Variants in NCEH1 observed in about 807,000 individuals in gnomAD.
NCEH1 encodes the protein neutral cholesterol ester hydrolase 1, also known as 2-acetyl MAGE hydrolase.
A neutral mutation model predicts 25.4 loss-of-function variants in NCEH1; 9 were observed. That is an observed-to-expected ratio of 0.35 (90% CI 0.21 to 0.62). The LOEUF (loss-of-function observed/expected upper bound fraction) is 0.62, where lower values mean the gene tolerates loss of function less well. NCEH1 is among the 20% of genes least tolerant of loss of function. The pLI is 0.72. For synonymous variants in NCEH1, 200 were observed against 199.8 expected, an observed-to-expected ratio of 1.00 and a Z score of -0.01; for missense variants, 412 against 501.1, an observed-to-expected ratio of 0.82 and a Z score of 1.70.
At chr3:172,663,660 A>G (rs1320326247) in intron 1 of NCEH1, among the ~76,000 whole-genome samples, 1 of 152,142 alleles carries the variant, frequency 6.6e-6, no homozygotes, top group Non-Finnish European at 1.5e-5. Context: ...TTGGGTGCAT[A>G]TATATTTAGG....
chr3:172,668,348 A>ATTTTTTTTTT (rs1200625132), intron 1 of NCEH1, among the ~76,000 whole-genome samples: 10 of 78,976 alleles, frequency 1.3e-4, no homozygotes, highest in African/African-American at 4.1e-4. Flanking sequence ...AAAAGGAAGC[A>ATTTTTTTTTT]TTTTTTTTTT....
intron 1 of NCEH1, among the ~76,000 whole-genome samples, chr3:172,693,174 C>A (rs1331298835): frequency 6.6e-6 from 1 of 152,216 alleles, no homozygotes; most frequent in Admixed American, 6.5e-5. Context: ...CAGTGTCTGA[C>A]ACATTCTGGG....
At chr3:172,704,972 T>G (rs1713895219) in intron 1 of NCEH1, among the ~76,000 whole-genome samples, 1 of 152,240 alleles carries the variant, frequency 6.6e-6, no homozygotes, top group Non-Finnish European at 1.5e-5. Flanking sequence ...CAATCCATGT[T>G]AAGTCTAGGT....
At position 172,694,394 on chromosome 3, in the gene NCEH1, C is replaced by CTG. The variant is rs768064072; in HGVS notation, c.138+16451_138+16452dup. On this transcript the variant is annotated intron_variant, in intron 1 of 4. Transcript: ENST00000475381. ...GTTATATATATGTGTGTGTGTGTGT[C>CTG]TGTGTGTGTGTGTGTGTGTGTATGT... Among the ~76,000 whole-genome samples the CTG allele has an allele frequency of 2.6e-3, 343 of 130,866 alleles. 3 individuals are homozygous for CTG. The highest frequency in any genetic ancestry group is 8.5e-3 in the East Asian group (39 of 4,602). The allele number at this position is 130,866 out of a possible 152,430, so 85.9% of individuals were successfully genotyped here.
intron 1 of NCEH1, among the ~76,000 whole-genome samples, chr3:172,704,761 T>C (rs181278216): frequency 2.0e-5 from 3 of 152,250 alleles, no homozygotes; most frequent in Non-Finnish European, 4.4e-5. Context: ...TCCCAGCACT[T>C]TGGGAAGCCA....
chr3:172,644,386 G>T (rs567164503), intron 3 of NCEH1, among the ~76,000 whole-genome samples: 1 of 152,322 alleles, frequency 6.6e-6, no homozygotes, highest in Middle Eastern at 3.4e-3. Context: ...GGCGCACCAT[G>T]AACAGGAGGA....
chr3:172,684,282 G>T (rs556376445), intron 1 of NCEH1, among the ~76,000 whole-genome samples: 2 of 152,178 alleles, frequency 1.3e-5, no homozygotes, highest in Non-Finnish European at 2.9e-5. Flanking sequence ...GCTTGAGAAA[G>T]AAATACACTG....
rs1376447355 is a variant in NCEH1 at position 172,711,028 on chromosome 3, G to A, written c.-44C>T. The A allele has an allele frequency of 8.7e-6, 14 of 1,613,234 alleles. No homozygotes were observed. The highest frequency in any genetic ancestry group is 1.1e-5 in the Non-Finnish European group (13 of 1,179,672). On this transcript the variant is annotated 5_prime_UTR_variant, in exon 1 of 5. Coordinates refer to ENST00000475381, the MANE Select transcript of NCEH1 (RefSeq NM_020792.6). ...GCCAGCGGGCTGGCAAAGAGGAAAG[G>A]GCGATACCACCCGGAGACCTCCGGC...
chr3:172,639,477 G>T (rs1230894744), intron 3 of NCEH1, among the ~76,000 whole-genome samples: 1 of 152,030 alleles, frequency 6.6e-6, no homozygotes, highest in Non-Finnish European at 1.5e-5. Context: ...ATTCATGGGT[G>T]GTACAGCCAA....
intron 1 of NCEH1, among the ~76,000 whole-genome samples, chr3:172,650,487 CAAAAAA>C (rs34528918): frequency 2.1e-5 from 3 of 145,998 alleles, no homozygotes; most frequent in Non-Finnish European, 4.5e-5. Context: ...ACTAAAAATA[CAAAAAA>C]AAAAAATCAG....
intron 1 of NCEH1, among the ~76,000 whole-genome samples, chr3:172,703,524 T>C (rs1713813186): frequency 2.1e-5 from 1 of 47,826 alleles, no homozygotes; most frequent in South Asian, 5.8e-4. Context: ...CAAGACTCTG[T>C]CTCAAAAAAA....
chr3:172,658,124 G>A (rs1717788156), intron 1 of NCEH1, among the ~76,000 whole-genome samples: 1 of 152,126 alleles, frequency 6.6e-6, no homozygotes, highest in Non-Finnish European at 1.5e-5. Context: ...AAAGTAGCCG[G>A]ATAAAACCCA....
intron 1 of NCEH1, among the ~76,000 whole-genome samples, chr3:172,663,769 G>A (rs182340566): frequency 6.6e-6 from 1 of 152,184 alleles, no homozygotes; most frequent in Admixed American, 6.5e-5. Flanking sequence ...TTTTATCAGA[G>A]ACTAGGATTG....
intron 2 of NCEH1, among the ~76,000 whole-genome samples, chr3:172,647,547 G>A (rs376622826): frequency 1.8e-4 from 28 of 152,148 alleles, no homozygotes; most frequent in African/African-American, 6.0e-4. Flanking sequence ...CCTTGTTTTG[G>A]TGCAGAAAGC....
At chr3:172,649,171 A>G (rs986222085) in intron 1 of NCEH1, among the ~76,000 whole-genome samples, 4 of 152,168 alleles carry the variant, frequency 2.6e-5, no homozygotes, top group African/African-American at 9.6e-5. Context: ...CAAATTCCTG[A>G]GCCCTTTACC....
intron 1 of NCEH1, among the ~76,000 whole-genome samples, chr3:172,672,948 G>A (rs1250825902): frequency 6.6e-6 from 1 of 152,170 alleles, no homozygotes; most frequent in Non-Finnish European, 1.5e-5. Context: ...TCTCACAGAT[G>A]GTCCCACAGG....
At chr3:172,690,290 T>C (rs1261750563) in intron 1 of NCEH1, among the ~76,000 whole-genome samples, 1 of 152,224 alleles carries the variant, frequency 6.6e-6, no homozygotes, top group East Asian at 1.9e-4. Context: ...CCCAGAATAG[T>C]GCTGGTGCAA....
At chr3:172,695,351 G>T (rs1713297468) in intron 1 of NCEH1, among the ~76,000 whole-genome samples, 1 of 152,144 alleles carries the variant, frequency 6.6e-6, no homozygotes, top group South Asian at 2.1e-4. Context: ...ACAGCCTAAG[G>T]AACTCTTCAC....
chr3:172,705,435 T>C (rs910197032), intron 1 of NCEH1, among the ~76,000 whole-genome samples: 1 of 152,180 alleles, frequency 6.6e-6, no homozygotes, highest in African/African-American at 2.4e-5. Context: ...TAACATGGGA[T>C]GTACAGGGGA....
Sources: gnomAD v4.1 joint callset for allele counts (sites outside exome capture counted in the v4.1 genomes callset) on GRCh38, gnomAD v4.1.1 for gene constraint, MANE v1.5 for transcripts, NCBI Gene and HGNC (gene_info 2026-07-23, HGNC 2026-07-21) for gene names.